Variants in CAMTA1 observed in about 807,000 individuals in gnomAD.
CAMTA1 encodes calmodulin binding transcription activator 1.
A neutral mutation model predicts 170.9 loss-of-function variants in CAMTA1; 27 were observed. The observed-to-expected ratio is 0.16, with a 90% CI of 0.12 to 0.22. CAMTA1 has a LOEUF of 0.22. Ranked by LOEUF, CAMTA1 falls within the 10% of genes least tolerant of loss-of-function variation. CAMTA1 has a pLI of 1.00. For synonymous variants in CAMTA1, 833 were observed against 891.5 expected (o/e 0.93, Z 1.17); for missense variants, 1,619 against 2,217.2 (o/e 0.73, Z 5.42).
At chr1:7,359,193 C>T (rs2085354737) in intron 5 of CAMTA1, among the ~76,000 whole-genome samples, 1 of 152,132 alleles carries the variant, frequency 6.6e-6, no homozygotes, top group African/African-American at 2.4e-5. Flanking sequence ...CCAGGTGACC[C>T]TTTTCCAGTG....
At chr1:7,584,290 C>T (rs2095288932) in intron 6 of CAMTA1, among the ~76,000 whole-genome samples, 1 of 151,774 alleles carries the variant, frequency 6.6e-6, no homozygotes, top group East Asian at 2.0e-4. Context: ...CAGCAAGGAG[C>T]AGGGGGCATC....
intron 11 of CAMTA1, among the ~76,000 whole-genome samples, chr1:7,726,976 A>C (rs2096692414): frequency 6.6e-6 from 1 of 152,142 alleles, no homozygotes. Flanking sequence ...CTTCACTTGG[A>C]CTGTCCTAAG....
At chr1:7,566,215 C>A (rs1271271553) in intron 6 of CAMTA1, among the ~76,000 whole-genome samples, 1 of 152,038 alleles carries the variant, frequency 6.6e-6, no homozygotes, top group East Asian at 1.9e-4. Flanking sequence ...GGGCTGGGCC[C>A]CTGGGTGACC....
intron 3 of CAMTA1, among the ~76,000 whole-genome samples, chr1:7,039,572 G>T (rs1224892857): frequency 1.3e-5 from 2 of 152,140 alleles, no homozygotes; most frequent in Non-Finnish European, 2.9e-5. Context: ...AGACGTGTAG[G>T]TATGTGGGGC....
At chr1:7,763,299 G>GTAAAAAA (rs2096990169) in intron 22 of CAMTA1, among the ~76,000 whole-genome samples, 1 of 151,664 alleles carries the variant, frequency 6.6e-6, no homozygotes, top group Non-Finnish European at 1.5e-5. Flanking sequence ...AAAAATGTTT[G>GTAAAAAA]TGCCATTTAA....
chr1:7,579,558 T>TC (rs1188272721), intron 6 of CAMTA1, among the ~76,000 whole-genome samples: 2 of 114,418 alleles, frequency 1.7e-5, no homozygotes, highest in African/African-American at 1.1e-4. Context: ...TTTTCTTTTT[T>TC]TTTTTTTTTT....
At chr1:7,374,607 C>T (rs1473663133) in intron 5 of CAMTA1, among the ~76,000 whole-genome samples, 1 of 152,236 alleles carries the variant, frequency 6.6e-6, no homozygotes. Context: ...AGATGCCACA[C>T]CTATTGGTGG....
chr1:7,017,190 G>A (rs899908364), intron 3 of CAMTA1, among the ~76,000 whole-genome samples: 3 of 152,246 alleles, frequency 2.0e-5, no homozygotes, highest in African/African-American at 7.2e-5. Flanking sequence ...ACAGGCCCCA[G>A]ACTGGAAGTT....
chr1:7,430,784 G>T (rs1286641285), intron 5 of CAMTA1, among the ~76,000 whole-genome samples: 2 of 152,198 alleles, frequency 1.3e-5, no homozygotes, highest in Non-Finnish European at 2.9e-5. Context: ...GGCCAGTAAA[G>T]GCACCAAGTA....
intron 5 of CAMTA1, among the ~76,000 whole-genome samples, chr1:7,454,290 C>G (rs2092901021): frequency 6.6e-6 from 1 of 152,156 alleles, no homozygotes; most frequent in South Asian, 2.1e-4. Context: ...TTAGGAGGAT[C>G]CTGCTGTAAT....
At chr1:6,840,504 C>T (rs1461995552) in intron 3 of CAMTA1, among the ~76,000 whole-genome samples, 2 of 152,090 alleles carry the variant, frequency 1.3e-5, no homozygotes, top group East Asian at 1.9e-4. Flanking sequence ...TCAGCTACTG[C>T]GTTGGTGCTG....
intron 3 of CAMTA1, among the ~76,000 whole-genome samples, chr1:6,840,752 A>T (rs1655337921): frequency 6.6e-6 from 1 of 152,206 alleles, no homozygotes; most frequent in South Asian, 2.1e-4. Flanking sequence ...AAGGGAGACT[A>T]AGCCCCGAGC....
rs1335081860 is a variant in CAMTA1, at chr1:7,092,590, C to T, written c.302+1219C>T. On this transcript the variant is annotated intron_variant, in intron 4 of 22. Transcript: ENST00000303635. This position sits in a 1 kb window ranked among gnomAD's most constrained non-coding sequence, Gnocchi z 5.0. ...AGGAGAGTCTGTCCGCAGGAGTCCC[C>T]AAAACCTCAGCCTGCTGGAACCATG... Among the ~76,000 whole-genome samples the T allele has an allele frequency of 6.6e-6, 1 of 152,162 alleles. No homozygotes were observed. The highest frequency in any genetic ancestry group is 1.5e-5 in the Non-Finnish European group (1 of 68,032).
intron 4 of CAMTA1, among the ~76,000 whole-genome samples, chr1:7,214,416 GA>G (rs1225253014): frequency 1.3e-5 from 2 of 149,042 alleles, no homozygotes; most frequent in Non-Finnish European, 2.9e-5. Context: ...ACCCAGGCTG[GA>G]GTGCAGTGGT....
intron 11 of CAMTA1, among the ~76,000 whole-genome samples, chr1:7,691,986 AGGG>A: frequency 7.8e-6 from 1 of 127,626 alleles, no homozygotes; most frequent in African/African-American, 3.0e-5. Context: ...GGAAGGAGGG[AGGG>A]AGGGAGGGAA....
Position 7,014,342 on chromosome 1 carries a change from G to C in CAMTA1, c.235-76962G>C, listed in dbSNP as rs955803568. The C allele has an allele frequency of 1.3e-5, 2 of 152,300 alleles. No individual in the cohort carries two copies. The highest frequency in any genetic ancestry group is 2.9e-5 in the Non-Finnish European group (2 of 68,100). The allele number at this position is 152,300 out of a possible 1,614,324, so 9.4% of individuals were successfully genotyped here. A position where few individuals can be genotyped will look rare whatever the true frequency, so the allele number is the denominator to read the frequency against. ...CTGCAAACAACAGTTTGTGTTTGGG[G>C]TGTGAGGCTATAAACAGCCCAGGAG... On this transcript the variant is annotated intron_variant, in intron 3 of 22. Coordinates refer to ENST00000303635, the MANE Select transcript of CAMTA1 (RefSeq NM_015215.4). This position sits in a 1 kb window ranked among gnomAD's most constrained non-coding sequence, Gnocchi z 4.2.
At chr1:6,894,574 C>T (rs933092705) in intron 3 of CAMTA1, among the ~76,000 whole-genome samples, 1 of 152,184 alleles carries the variant, frequency 6.6e-6, no homozygotes, top group Non-Finnish European at 1.5e-5. Flanking sequence ...GTGAAGCTGC[C>T]GCTGTGCTGA....
Position 7,102,023 on chromosome 1 carries a change from A to AACACAC in CAMTA1, c.302+10694_302+10699dup, listed in dbSNP as rs57209159. On this transcript the variant is annotated intron_variant, in intron 4 of 22. Coordinates refer to ENST00000303635, the MANE Select transcript of CAMTA1 (RefSeq NM_015215.4). ...CATGTACACACATGCATAAATACAC[A>AACACAC]ACACACACACACACACACACACACA... Among the ~76,000 whole-genome samples, 673 of 148,788 alleles carry AACACAC rather than the reference A, an allele frequency of 4.5e-3. 3 individuals are homozygous for AACACAC. The highest frequency in any genetic ancestry group is 7.1e-3 in the Non-Finnish European group (478 of 67,258).
chr1:7,098,066 T>G (rs951123057), intron 4 of CAMTA1, among the ~76,000 whole-genome samples: 3 of 152,084 alleles, frequency 2.0e-5, no homozygotes, highest in African/African-American at 7.2e-5. Context: ...TCCTCAGGTA[T>G]TCAGCTGGGC....
Sources: gnomAD v4.1 joint callset for allele counts (sites outside exome capture counted in the v4.1 genomes callset) on GRCh38, gnomAD v4.1.1 for gene constraint, Gnocchi (gnomAD v3.1) non-coding constraint, MANE v1.5 for transcripts, NCBI Gene and HGNC (gene_info 2026-07-23, HGNC 2026-07-21) for gene names.